The following CCSER1 variants were observed in gnomAD, a reference collection of about 807,000 sequenced individuals.
CCSER1 encodes the protein serine-rich coiled-coil domain-containing protein 1.
A neutral mutation model predicts 82.0 loss-of-function variants in CCSER1; 41 were observed. The observed-to-expected ratio is 0.50, with a 90% confidence interval of 0.39 to 0.65. The LOEUF (loss-of-function observed/expected upper bound fraction) is 0.65. Among genes scored for constraint, CCSER1 ranks in the 30% least tolerant of loss-of-function variants. CCSER1 has a pLI of 0.00. For missense variants in CCSER1, 1,119 were observed against 1,064.2 expected (o/e 1.05, Z -0.72); for synonymous variants, 414 against 383.9 (o/e 1.08, Z -0.92).
chr4:90,745,917 G>C (rs1047420251), intron 7 of CCSER1, among the ~76,000 whole-genome samples: 1 of 151,874 alleles, frequency 6.6e-6, no homozygotes, highest in African/African-American at 2.4e-5. Flanking sequence ...AGCCAGGATG[G>C]CCTTGATCTC....
At chr4:90,496,249 C>G (rs1768982699) in intron 5 of CCSER1, among the ~76,000 whole-genome samples, 1 of 152,080 alleles carries the variant, frequency 6.6e-6, no homozygotes, top group Non-Finnish European at 1.5e-5. Flanking sequence ...GCATGAAACA[C>G]ATAAAATATT....
intron 9 of CCSER1, among the ~76,000 whole-genome samples, chr4:91,027,398 C>A (rs1416932837): frequency 6.6e-6 from 1 of 151,576 alleles, no homozygotes; most frequent in African/African-American, 2.4e-5. Flanking sequence ...AAGAAAATTG[C>A]AATTATTTTC....
At chr4:90,481,800 A>G (rs1033290093) in intron 5 of CCSER1, among the ~76,000 whole-genome samples, 4 of 152,150 alleles carry the variant, frequency 2.6e-5, no homozygotes, top group Admixed American at 1.3e-4. Context: ...TTTTGCATTA[A>G]TGTTCATCAA....
chr4:90,978,383 G>A (rs1561439958), intron 9 of CCSER1, among the ~76,000 whole-genome samples: 1 of 151,512 alleles, frequency 6.6e-6, no homozygotes, highest in Non-Finnish European at 1.5e-5. Context: ...TATAAACAAT[G>A]GTTTGCAGTA....
chr4:91,197,059 G>A (rs1220576919), intron 10 of CCSER1, among the ~76,000 whole-genome samples: 1 of 152,178 alleles, frequency 6.6e-6, no homozygotes, highest in Non-Finnish European at 1.5e-5. Context: ...GCTGACTCTA[G>A]ACTGACCTTT....
intron 3 of CCSER1, among the ~76,000 whole-genome samples, chr4:90,340,828 A>G (rs996154851): frequency 6.6e-6 from 1 of 152,088 alleles, no homozygotes; most frequent in Non-Finnish European, 1.5e-5. Flanking sequence ...CATTTCAGTT[A>G]TCGATGATCC....
chr4:90,280,600 A>T (rs557606089), intron 1 of CCSER1, among the ~76,000 whole-genome samples: 1 of 152,134 alleles, frequency 6.6e-6, no homozygotes, highest in East Asian at 1.9e-4. Context: ...CTCAGAAAAG[A>T]TAACCAAGAA....
At chr4:91,361,771 T>C (rs571073848) in intron 10 of CCSER1, among the ~76,000 whole-genome samples, 2 of 151,882 alleles carry the variant, frequency 1.3e-5, no homozygotes, top group African/African-American at 4.8e-5. Context: ...TATTTATGCA[T>C]TAGTTCAAAA....
At chr4:90,151,025 GCT>G (rs1726744575) in intron 1 of CCSER1, among the ~76,000 whole-genome samples, 1 of 151,960 alleles carries the variant, frequency 6.6e-6, no homozygotes, top group Admixed American at 6.6e-5. Context: ...CCACAACCCT[GCT>G]CTGGCCTGAC....
rs186624313 is a variant in CCSER1 at position 90,723,324 on chromosome 4, T to C, written c.1933-590T>C. ...GCCATTAGCAACATTCCAGGCATTC[T>C]CTTACATTTGTGTAAATCTTTTATC... On this transcript the variant is annotated intron_variant, in intron 6 of 10. Transcript: ENST00000509176. Among the ~76,000 whole-genome samples, 71 of 152,078 alleles carry C rather than the reference T, an allele frequency of 4.7e-4. 1 individual carries two copies. The East Asian group carries it at 0.011, about 24-fold the overall frequency.
intron 10 of CCSER1, among the ~76,000 whole-genome samples, chr4:91,378,403 G>A (rs191895800): frequency 4.6e-5 from 7 of 152,256 alleles, no homozygotes; most frequent in African/African-American, 1.4e-4. Context: ...TCTTCCATTT[G>A]TTTGTGTCCT....
chr4:90,298,928 ACTT>A (rs1273152862), intron 1 of CCSER1, among the ~76,000 whole-genome samples: 5 of 151,922 alleles, frequency 3.3e-5, no homozygotes, highest in African/African-American at 1.2e-4. Context: ...ATGCTTTTAC[ACTT>A]CTTTCTTCTT....
chr4:91,316,154 T>C (rs1257909877), intron 10 of CCSER1, among the ~76,000 whole-genome samples: 4 of 152,064 alleles, frequency 2.6e-5, no homozygotes, highest in Non-Finnish European at 5.9e-5. Context: ...TCCCCAGCCA[T>C]ATGGAAGTGT....
intron 5 of CCSER1, among the ~76,000 whole-genome samples, chr4:90,592,139 A>T (rs1358962839): frequency 6.6e-6 from 1 of 152,168 alleles, no homozygotes; most frequent in Non-Finnish European, 1.5e-5. Flanking sequence ...ACCATGGCAC[A>T]TGTATGGCTG....
At chr4:90,459,438 C>A (rs1290628723) in intron 4 of CCSER1, among the ~76,000 whole-genome samples, 3 of 151,974 alleles carry the variant, frequency 2.0e-5, no homozygotes, top group South Asian at 2.1e-4. Context: ...CTAGGGCTGG[C>A]ATAACAAAAG....
intron 5 of CCSER1, among the ~76,000 whole-genome samples, chr4:90,539,975 A>G (rs7694082): frequency 0.041 from 6,228 of 152,136 alleles, 464 homozygotes; most frequent in African/African-American, 0.14. Context: ...AAAGGGGAAT[A>G]AAAGCAAAAG....
intron 5 of CCSER1, among the ~76,000 whole-genome samples, chr4:90,520,364 G>T (rs1358649895): frequency 6.6e-6 from 1 of 151,990 alleles, no homozygotes; most frequent in Non-Finnish European, 1.5e-5. Context: ...CCATAAATTA[G>T]TTTTAAATTA....
chr4:90,547,559 AG>A (rs570171017), intron 5 of CCSER1, among the ~76,000 whole-genome samples: 47 of 152,058 alleles, frequency 3.1e-4, no homozygotes, highest in Non-Finnish European at 5.7e-4. Context: ...ATCATTCCTG[AG>A]AAAGGAGAAA....
intron 5 of CCSER1, among the ~76,000 whole-genome samples, chr4:90,619,742 A>G (rs1721959266): frequency 6.6e-6 from 1 of 152,130 alleles, no homozygotes; most frequent in Admixed American, 6.5e-5. Flanking sequence ...GTGTGTAAAC[A>G]GATTTGGTGT....
Sources: gnomAD v4.1 joint callset for allele counts (sites outside exome capture counted in the v4.1 genomes callset) on GRCh38, gnomAD v4.1.1 for gene constraint, MANE v1.5 for transcripts, NCBI Gene and HGNC (gene_info 2026-07-23, HGNC 2026-07-21) for gene names.